ARMH4: variants seen among roughly 807,000 people sequenced by gnomAD.
ARMH4 encodes armadillo like helical domain containing 4, also known as armadillo-like helical domain-containing protein 4.
Under a neutral mutation model 61.9 loss-of-function variants are expected in ARMH4, and 49 were observed. The observed-to-expected ratio is 0.79, with a 90% confidence interval of 0.63 to 1.00. The LOEUF (loss-of-function observed/expected upper bound fraction) is 1.00. Ranked by LOEUF, ARMH4 falls within the 50% of genes least tolerant of loss-of-function variation. The probability of loss-of-function intolerance (pLI) is 0.00; values close to 1 mark genes in which losing one functional copy is unlikely to be tolerated. For missense variants in ARMH4, 934 were observed against 930.0 expected (o/e 1.00, Z -0.06); for synonymous variants, 368 against 341.5 (o/e 1.08, Z -0.85).
intron 5 of ARMH4, among the ~76,000 whole-genome samples, chr14:58,074,318 C>T (rs930039946): frequency 8.5e-5 from 13 of 152,156 alleles, no homozygotes; most frequent in African/African-American, 3.1e-4. Context: ...TGTACCCTAA[C>T]CCACTCTTTT....
intron 4 of ARMH4, among the ~76,000 whole-genome samples, chr14:58,104,882 C>A (rs1224626142): frequency 1.3e-5 from 2 of 152,028 alleles, no homozygotes; most frequent in Non-Finnish European, 2.9e-5. Context: ...GTTTTTTAAA[C>A]CCATATCTAA....
chr14:58,096,838 G>T lies in ARMH4; in HGVS notation c.1975C>A (p.Pro659Thr), dbSNP rs1418543341. The change falls in exon 5 of 8, where the codon CCT (proline) becomes ACT (threonine). Residue 659 changes from proline (P) to threonine (T), a missense_variant. Coordinates refer to ENST00000267485, the MANE Select transcript of ARMH4 (RefSeq NM_001001872.4). ...GDTELPGFTL[P>T]GITSQEPGLE... ...CCTGGTTCCTGGGATGTGATACCAG[G>T]GAGGGTAAAACCTGGCAGCTCAGTG... 1 of 1,614,072 alleles carries T rather than the reference G, an allele frequency of 6.2e-7. No individual in the cohort carries two copies. The highest frequency in any genetic ancestry group is 2.2e-5 in the East Asian group (1 of 44,872).
chr14:58,139,172 T>A lies in ARMH4; in HGVS notation c.187A>T (p.Lys63Ter). 6.2e-7 allele frequency: 1 copy of A among 1,614,216 alleles called. No homozygotes were observed. Among genetic ancestry groups the A allele is most frequent in the Non-Finnish European group, 8.5e-7 (1 of 1,180,036 alleles). The stretch of plus-strand genomic sequence containing the variant: ...GAGACCACCAGTTGGGGAGTCTGCT[T>A]TGAGGTAACAGAGCTATTTTCTAGG... Reference protein sequence around the residue: ...DDLENSSVTSKQTPQLVVSED... With the variant: ...DDLENSSVTS Residue 63 changes from lysine to a stop codon, truncating the protein, a stop_gained, in exon 2 of 8, where the codon AAG (lysine) becomes TAG (stop). Coordinates refer to ENST00000267485, the MANE Select transcript of ARMH4 (RefSeq NM_001001872.4). LOFTEE classifies it high-confidence loss of function.
chr14:58,001,854 AG>A lies in ARMH4; in HGVS notation c.*2881del, dbSNP rs1242797650. 6.6e-6 allele frequency: 1 copy of A among 152,116 alleles called. No individual in the cohort carries two copies. The highest frequency in any genetic ancestry group is 1.5e-5 in the Non-Finnish European group (1 of 68,048). The allele number at this position is 152,116 out of a possible 1,614,324, so 9.4% of individuals were successfully genotyped here. A position where few individuals can be genotyped will look rare whatever the true frequency, so the allele number is the denominator to read the frequency against. On this transcript the variant is annotated 3_prime_UTR_variant, in exon 8 of 8. Coordinates refer to ENST00000267485, the MANE Select transcript of ARMH4 (RefSeq NM_001001872.4). Reference sequence around the variant, plus strand: ...AACACTGCCTCTCCCTCCGAGAAGAAGACCTAGTTCCTGCCCCTGCGGTGGG... The same window carrying A: ...AACACTGCCTCTCCCTCCGAGAAGAAACCTAGTTCCTGCCCCTGCGGTGGG...
At chr14:58,105,115 A>C (rs1886128177) in intron 4 of ARMH4, among the ~76,000 whole-genome samples, 1 of 152,208 alleles carries the variant, frequency 6.6e-6, no homozygotes, top group Non-Finnish European at 1.5e-5. Context: ...CACAAAGAAC[A>C]ATGACATGCT....
At chr14:58,048,385 G>A (rs775849961) in intron 5 of ARMH4, among the ~76,000 whole-genome samples, 2 of 152,220 alleles carry the variant, frequency 1.3e-5, no homozygotes, top group South Asian at 2.1e-4. Flanking sequence ...ATGGTTGTGC[G>A]ACTTTAATGA....
intron 4 of ARMH4, among the ~76,000 whole-genome samples, chr14:58,099,143 G>A (rs1231157181): frequency 6.6e-6 from 1 of 152,174 alleles, no homozygotes; most frequent in East Asian, 1.9e-4. Flanking sequence ...ACTGTGTGAT[G>A]GCCTATGGCA....
chr14:58,040,773 T>C (rs1480363558), intron 5 of ARMH4, among the ~76,000 whole-genome samples: 1 of 152,230 alleles, frequency 6.6e-6, no homozygotes, highest in African/African-American at 2.4e-5. Context: ...GTTTAGGTTC[T>C]ATAGGACCCT....
chr14:58,100,521 T>C (rs1321787805), intron 4 of ARMH4, among the ~76,000 whole-genome samples: 2 of 152,056 alleles, frequency 1.3e-5, no homozygotes, highest in African/African-American at 2.4e-5. Flanking sequence ...GTACTGATTG[T>C]GTGTGAAGGA....
At chr14:58,052,864 G>A (rs76947827) in intron 5 of ARMH4, among the ~76,000 whole-genome samples, 3,342 of 152,008 alleles carry the variant, frequency 0.022, 55 homozygotes, top group Middle Eastern at 0.058. Context: ...AACTGAACTC[G>A]TGATTGCTCC....
At chr14:58,111,044 A>G (rs1886338769) in intron 4 of ARMH4, among the ~76,000 whole-genome samples, 1 of 152,168 alleles carries the variant, frequency 6.6e-6, no homozygotes, top group Non-Finnish European at 1.5e-5. Flanking sequence ...GTGAGCCACC[A>G]CGCCCAGCCA....
At chr14:58,030,232 T>C (rs1883180147) in intron 5 of ARMH4, among the ~76,000 whole-genome samples, 1 of 152,188 alleles carries the variant, frequency 6.6e-6, no homozygotes, top group Admixed American at 6.5e-5. Context: ...TCACCCATCC[T>C]GCCTCAGTGC....
chr14:58,021,315 G>A (rs1412534898), intron 5 of ARMH4, among the ~76,000 whole-genome samples: 1 of 152,164 alleles, frequency 6.6e-6, no homozygotes, highest in Admixed American at 6.5e-5. Flanking sequence ...TCATGATAGT[G>A]ATTAAGTCTC....
intron 5 of ARMH4, among the ~76,000 whole-genome samples, chr14:58,066,095 T>C (rs1884691971): frequency 6.6e-6 from 1 of 152,232 alleles, no homozygotes; most frequent in Non-Finnish European, 1.5e-5. Context: ...CATTAGAAGC[T>C]TTTCTTGCCA....
intron 4 of ARMH4, among the ~76,000 whole-genome samples, chr14:58,126,696 G>A (rs957626034): frequency 6.6e-6 from 1 of 151,110 alleles, no homozygotes; most frequent in Non-Finnish European, 1.5e-5. Context: ...TCTTAGAAAA[G>A]CAAAAACTGT....
intron 4 of ARMH4, among the ~76,000 whole-genome samples, chr14:58,121,090 T>C (rs757390462): frequency 6.6e-5 from 10 of 152,208 alleles, no homozygotes; most frequent in East Asian, 5.8e-4. Context: ...TCCTCACTTA[T>C]ATGTTGCATT....
At chr14:58,133,535 C>T (rs563214086) in intron 2 of ARMH4, among the ~76,000 whole-genome samples, 194 bp from the exon 3 acceptor site, 1 of 152,102 alleles carries the variant, frequency 6.6e-6, no homozygotes, top group Non-Finnish European at 1.5e-5. Flanking sequence ...AGTTGTGAAT[C>T]AATCTACAAC....
chr14:58,131,330 C>T, intron 4 of ARMH4, 182 bp downstream of exon 4: 3 of 485,028 alleles, frequency 6.2e-6, no homozygotes, highest in South Asian at 4.4e-5. Flanking sequence ...ATGTAAAAAC[C>T]ATTCTTAGCT....
intron 5 of ARMH4, among the ~76,000 whole-genome samples, chr14:58,092,974 T>C (rs920468398): frequency 6.6e-6 from 1 of 152,116 alleles, no homozygotes; most frequent in Non-Finnish European, 1.5e-5. Flanking sequence ...ATAATCCCCA[T>C]GTGTGCTGGG....
Sources: allele counts gnomAD v4.1 joint callset (sites outside exome capture counted in the v4.1 genomes callset), GRCh38; gene constraint gnomAD v4.1.1; transcripts MANE v1.5; gene names NCBI Gene and HGNC (gene_info 2026-07-23, HGNC 2026-07-21).